The following CASD1 variants were observed in gnomAD, a reference collection of about 807,000 sequenced individuals.
CASD1 encodes the protein CAS1 domain sialic acid O acetyltransferase 1, also known as N-acetylneuraminate (7)9-O-acetyltransferase.
In CASD1, 41 loss-of-function variants were observed where a neutral mutation model predicts 100.0. That is an observed-to-expected ratio of 0.41 (90% CI 0.32 to 0.53). The LOEUF (loss-of-function observed/expected upper bound fraction) is 0.53, where lower values mean the gene tolerates loss of function less well. Among genes scored for constraint, CASD1 ranks in the 20% least tolerant of loss-of-function variants. CASD1 has a pLI of 0.25. For missense variants in CASD1, 774 were observed against 948.7 expected, an observed-to-expected ratio of 0.82 and a Z score of 2.42; for synonymous variants, 321 against 315.6, an observed-to-expected ratio of 1.02 and a Z score of -0.18.
chr7:94,558,634 C>G (rs1796284160), downstream of CASD1, among the ~76,000 whole-genome samples: 3 of 152,070 alleles, frequency 2.0e-5, no homozygotes, highest in Admixed American at 1.3e-4. Flanking sequence ...GTTCATTCCC[C>G]AAATCATAAT....
At chr7:94,628,807 C>T in the CASD1 span, 1 of 169,852 alleles carries the variant, frequency 5.9e-6, no homozygotes. Context: ...TTTTAAAACA[C>T]TGGAGGATAG....
the CASD1 span, among the ~76,000 whole-genome samples, chr7:94,615,510 C>T: frequency 6.6e-6 from 1 of 151,978 alleles, no homozygotes; most frequent in African/African-American, 2.4e-5. Flanking sequence ...TCCATCAGAC[C>T]AATATTGGGC....
At chr7:94,521,399 C>T (rs1209530977) in intron 3 of CASD1, among the ~76,000 whole-genome samples, 2 of 152,102 alleles carry the variant, frequency 1.3e-5, no homozygotes, top group African/African-American at 4.8e-5. Flanking sequence ...ATCTTTTGCA[C>T]TTAGTGAAAA....
Position 94,518,337 on chromosome 7 carries a change from A to G in CASD1, c.351+14A>G, listed in dbSNP as rs1186916007. ...GAAGGAAATAAGGTAAAACTTGTCT[A>G]TTCCCTTCTGTAGAGTGTTTTAGAA... is the stretch of plus-strand genomic sequence containing the variant. On this transcript the variant is annotated intron_variant, in intron 3 of 17. Coordinates refer to ENST00000297273, the MANE Select transcript of CASD1 (RefSeq NM_022900.5). 7.7e-6 allele frequency: 12 copies of G among 1,562,662 alleles called. No homozygotes were observed. Among genetic ancestry groups the G allele is most frequent in the Middle Eastern group, 2.2e-4 (1 of 4,560 alleles).
chr7:94,624,716 A>C, the CASD1 span: 1 of 152,376 alleles, frequency 6.6e-6, no homozygotes, highest in African/African-American at 2.4e-5. Flanking sequence ...CATTTTCAAT[A>C]AAAAGTATGA....
rs913477085 is a variant in CASD1, at chr7:94,509,833, G to A, written c.-252G>A. On this transcript the variant is annotated 5_prime_UTR_variant, in exon 1 of 18. Coordinates refer to ENST00000297273, the MANE Select transcript of CASD1 (RefSeq NM_022900.5). ...GGAGACAGGCGTCCAGGGCGCCTGG[G>A]GAACCGGCACGGCGGAGCAGCGGCG... 75 of 1,002,654 alleles carry A rather than the reference G, an allele frequency of 7.5e-5. No homozygotes were observed. In the African/African-American group the frequency reaches 1.2e-3, roughly 16 times the overall value. 62.1% of individuals were successfully genotyped at this position (1,002,654 alleles called of 1,614,324 possible). A position where few individuals can be genotyped will look rare whatever the true frequency, so the allele number is the denominator to read the frequency against.
At chr7:94,565,992 G>A in the CASD1 span, among the ~76,000 whole-genome samples, 1 of 152,162 alleles carries the variant, frequency 6.6e-6, no homozygotes, top group Non-Finnish European at 1.5e-5. Flanking sequence ...ACCATTGGAA[G>A]TGTCAATCAT....
chr7:94,551,283 T>A, intron 14 of CASD1, 55 bp from the exon 15 acceptor site: 1 of 1,390,340 alleles, frequency 7.2e-7, no homozygotes, highest in Non-Finnish European at 9.7e-7. Flanking sequence ...CAAATATTTT[T>A]CCTGTTTTTT....
the CASD1 span, among the ~76,000 whole-genome samples, chr7:94,593,469 G>A: frequency 6.6e-6 from 1 of 151,932 alleles, no homozygotes; most frequent in East Asian, 1.9e-4. Flanking sequence ...TTCCCCAAAA[G>A]ACAGCATACC....
At chr7:94,522,953 A>G (rs1794365455) in intron 3 of CASD1, among the ~76,000 whole-genome samples, 1 of 152,052 alleles carries the variant, frequency 6.6e-6, no homozygotes, top group Non-Finnish European at 1.5e-5. Context: ...GAGCCACTGC[A>G]CCCGGCCAAC....
chr7:94,624,570 C>A, the CASD1 span: 1 of 215,444 alleles, frequency 4.6e-6, no homozygotes, highest in Non-Finnish European at 9.1e-6. Flanking sequence ...TAATTTCACA[C>A]CGGACATTAA....
At chr7:94,600,790 C>T in the CASD1 span, 3 of 1,613,484 alleles carry the variant, frequency 1.9e-6, no homozygotes, top group Non-Finnish European at 2.5e-6. Flanking sequence ...GTATTCTCCA[C>T]CATCAGGTAA....
At chr7:94,604,532 G>T in the CASD1 span, among the ~76,000 whole-genome samples, 6 of 151,560 alleles carry the variant, frequency 4.0e-5, no homozygotes, top group Non-Finnish European at 8.8e-5. Context: ...ACGGGCATAG[G>T]AACAGACAGA....
intron 1 of CASD1, among the ~76,000 whole-genome samples, chr7:94,512,788 T>G (rs907201212): frequency 2.0e-5 from 3 of 152,200 alleles, no homozygotes; most frequent in African/African-American, 7.2e-5. Context: ...TACTGTGACA[T>G]AAAATAATCA....
At chr7:94,551,287 G>A in intron 14 of CASD1, 51 bp from the exon 15 acceptor site, 1 of 1,434,708 alleles carries the variant, frequency 7.0e-7, no homozygotes, top group East Asian at 2.7e-5. Flanking sequence ...TATTTTTCCT[G>A]TTTTTTGAAA....
chr7:94,560,790 T>A (rs1796327109), downstream of CASD1, among the ~76,000 whole-genome samples: 1 of 152,174 alleles, frequency 6.6e-6, no homozygotes, highest in African/African-American at 2.4e-5. Flanking sequence ...ATTCCCATTC[T>A]TACTCTGTAT....
the CASD1 span, among the ~76,000 whole-genome samples, chr7:94,586,075 A>AC: frequency 1.3e-5 from 2 of 150,122 alleles, no homozygotes; most frequent in Admixed American, 1.3e-4. Context: ...AAAAAAAAAA[A>AC]AAAAAAAAAA....
the CASD1 span, chr7:94,598,109 A>G: frequency 6.4e-6 from 1 of 156,714 alleles, no homozygotes; most frequent in South Asian, 1.9e-4. Flanking sequence ...TATATCAGCA[A>G]TATATGATGT....
chr7:94,512,005 G>A (rs558549733), intron 1 of CASD1, among the ~76,000 whole-genome samples: 1 of 152,300 alleles, frequency 6.6e-6, no homozygotes, highest in South Asian at 2.1e-4. Context: ...TACTTGCCCA[G>A]ACTGAATGTC....
Sources: allele counts gnomAD v4.1 joint callset (sites outside exome capture counted in the v4.1 genomes callset), GRCh38; gene constraint gnomAD v4.1.1; transcripts MANE v1.5; gene names NCBI Gene and HGNC (gene_info 2026-07-23, HGNC 2026-07-21).